Variants in PDE4B observed in about 807,000 individuals in gnomAD.
The protein encoded by PDE4B is phosphodiesterase 4B.
Under a neutral mutation model 82.2 loss-of-function variants are expected in PDE4B, and 20 were observed. The ratio of observed to expected loss-of-function variants is 0.24; its 90% CI spans 0.17 to 0.35. PDE4B has a LOEUF of 0.35. Among genes scored for constraint, PDE4B ranks in the 10% least tolerant of loss-of-function variants. The pLI, the probability that PDE4B is intolerant of heterozygous loss-of-function variation, is 1.00. For synonymous variants in PDE4B, 320 were observed against 318.9 expected, an observed-to-expected ratio of 1.00 and a Z score of -0.04; for missense variants, 655 against 907.2, an observed-to-expected ratio of 0.72 and a Z score of 3.57.
At chr1:66,087,004 A>AG (rs1273063082) in intron 3 of PDE4B, among the ~76,000 whole-genome samples, 1 of 152,160 alleles carries the variant, frequency 6.6e-6, no homozygotes, top group Non-Finnish European at 1.5e-5. Context: ...TGCATGTACA[A>AG]GGGCATGGAG....
chr1:66,352,909 A>G (rs530292588), intron 8 of PDE4B, among the ~76,000 whole-genome samples: 9 of 152,242 alleles, frequency 5.9e-5, no homozygotes, highest in Non-Finnish European at 1.3e-4. Context: ...ATATTTGCCT[A>G]AGTCTAGTGC....
chr1:66,162,856 A>G (rs1301729490), intron 3 of PDE4B, among the ~76,000 whole-genome samples: 1 of 152,150 alleles, frequency 6.6e-6, no homozygotes, highest in Non-Finnish European at 1.5e-5. Flanking sequence ...GTTAAGTACT[A>G]TCAGTTGTTA....
At chr1:66,110,742 C>T (rs542670594) in intron 3 of PDE4B, among the ~76,000 whole-genome samples, 58 of 151,994 alleles carry the variant, frequency 3.8e-4, no homozygotes, top group Non-Finnish European at 6.8e-4. Flanking sequence ...ATATATAATG[C>T]GATTAAACCA....
At chr1:66,362,785 T>C (rs868106861) in intron 10 of PDE4B, among the ~76,000 whole-genome samples, 2 of 152,108 alleles carry the variant, frequency 1.3e-5, no homozygotes, top group South Asian at 4.1e-4. Context: ...CCTGAGACTG[T>C]TTTCCAGCTG....
In PDE4B at chr1:65,845,536, G is replaced by A. The variant is rs184842965; in HGVS notation, c.-71+52288G>A. 4.1e-3 allele frequency among the ~76,000 whole-genome samples: 628 copies of A among 152,216 alleles called. 4 individuals carry two copies. The highest frequency in any genetic ancestry group is 0.014 in the African/African-American group (574 of 41,524). On this transcript the variant is annotated intron_variant, in intron 1 of 16. Transcript: ENST00000341517. ...AGATATGGTCTGGCTCTGAGATACC[G>A]TCAATGTTTTACTCTTTGAGATGAA...
At chr1:66,250,711 A>G (rs1318320178) in intron 4 of PDE4B, among the ~76,000 whole-genome samples, 1 of 152,230 alleles carries the variant, frequency 6.6e-6, no homozygotes, top group African/African-American at 2.4e-5. Flanking sequence ...ACTGAGGTAC[A>G]GATTGCCTCA....
At chr1:65,822,038 C>G (rs139333415) in intron 1 of PDE4B, among the ~76,000 whole-genome samples, 503 of 152,272 alleles carry the variant, frequency 3.3e-3, no homozygotes, top group African/African-American at 9.2e-3. Flanking sequence ...AGGGTAATTT[C>G]TACTCTCAAT....
chr1:65,906,651 TTCTCTC>T (rs1471417352), intron 1 of PDE4B, among the ~76,000 whole-genome samples: 3 of 152,254 alleles, frequency 2.0e-5, no homozygotes, highest in Admixed American at 6.5e-5. Context: ...GTTTGTCACT[TTCTCTC>T]TGTTGTGTTA....
At chr1:65,980,264 AT>A (rs919963621) in intron 3 of PDE4B, among the ~76,000 whole-genome samples, 2 of 152,132 alleles carry the variant, frequency 1.3e-5, no homozygotes, top group Non-Finnish European at 2.9e-5. Flanking sequence ...TCTGTCATAA[AT>A]TTTTCCCCAG....
Position 65,913,311 on chromosome 1 carries a change from T to TA in PDE4B, c.-3dup, listed in dbSNP as rs1647118300. 1 of 1,613,444 alleles carries TA rather than the reference T, an allele frequency of 6.2e-7. No individual in the cohort carries two copies. The highest frequency in any genetic ancestry group is 1.7e-5 in the Admixed American group (1 of 59,982). Reference sequence around the variant, plus strand: ...CCTAAGAGGGGATATTTTCCACCTCTATAATGAAGAAAAGCAGGAGTGTGA... The same window carrying TA: ...CCTAAGAGGGGATATTTTCCACCTCTAATAATGAAGAAAAGCAGGAGTGTGA... On this transcript the variant is annotated 5_prime_UTR_variant, in exon 2 of 17. Coordinates refer to ENST00000341517, the MANE Select transcript of PDE4B (RefSeq NM_002600.4).
rs1049527209 is a variant in PDE4B at position 66,049,916 on chromosome 1, C to T, written c.281+131081C>T. Among the ~76,000 whole-genome samples, 5 of 152,068 alleles carry T rather than the reference C, an allele frequency of 3.3e-5. No homozygotes were observed. The South Asian group carries it at 1.0e-3, about 32-fold the overall frequency. On this transcript the variant is annotated intron_variant, in intron 3 of 16. Coordinates refer to ENST00000341517, the MANE Select transcript of PDE4B (RefSeq NM_002600.4). ...AGATGAAAAAAATGTATTTACGTTTCCCACACAACTGCTAGGAATTAAAGT... is the reference window on the plus strand; with the variant it reads ...AGATGAAAAAAATGTATTTACGTTTTCCACACAACTGCTAGGAATTAAAGT...
At chr1:65,814,864 T>C (rs1645862369) in intron 1 of PDE4B, among the ~76,000 whole-genome samples, 1 of 152,046 alleles carries the variant, frequency 6.6e-6, no homozygotes, top group South Asian at 2.1e-4. Flanking sequence ...TTTTTTTGTA[T>C]AAGTTTTTGC....
At chr1:65,978,113 C>T (rs1016077024) in intron 3 of PDE4B, among the ~76,000 whole-genome samples, 3 of 150,092 alleles carry the variant, frequency 2.0e-5, no homozygotes, top group Admixed American at 6.6e-5. Context: ...CTGCAACGTC[C>T]GCCTCCCAGG....
intron 3 of PDE4B, among the ~76,000 whole-genome samples, chr1:66,092,227 G>T (rs774174473): frequency 6.6e-6 from 1 of 151,952 alleles, no homozygotes; most frequent in Non-Finnish European, 1.5e-5. Context: ...GTCCTCACTT[G>T]TTGTTGATAG....
At chr1:65,859,672 C>G (rs144765674) in intron 1 of PDE4B, among the ~76,000 whole-genome samples, 322 of 152,152 alleles carry the variant, frequency 2.1e-3, no homozygotes, top group African/African-American at 6.7e-3. Context: ...ATGCTCAAAA[C>G]AACAATGATT....
rs1190631724 is a variant in PDE4B, at chr1:66,047,182, A to G, written c.281+128347A>G. ...TTCTTCCTTTGAGAGACAGCCCAGC[A>G]TAGGGATTAATGCAGGAACCATGGA... is the stretch of plus-strand genomic sequence containing the variant. On this transcript the variant is annotated intron_variant, in intron 3 of 16. Coordinates refer to ENST00000341517, the MANE Select transcript of PDE4B (RefSeq NM_002600.4). 1.7e-4 allele frequency among the ~76,000 whole-genome samples: 26 copies of G among 151,794 alleles called. 1 individual carries two copies. In the Admixed American group the frequency reaches 1.7e-3, roughly 10 times the overall value.
chr1:65,905,666 T>C (rs958269641), intron 1 of PDE4B, among the ~76,000 whole-genome samples: 2 of 152,106 alleles, frequency 1.3e-5, no homozygotes, highest in East Asian at 3.9e-4. Context: ...GCTTCTCTCT[T>C]TGTTTCTTAG....
chr1:65,929,969 C>G (rs963539846), intron 3 of PDE4B, among the ~76,000 whole-genome samples: 1 of 152,126 alleles, frequency 6.6e-6, no homozygotes, highest in Non-Finnish European at 1.5e-5. Context: ...TAGAACCATT[C>G]TTGGTACCAA....
At chr1:65,960,403 T>C (rs1649487052) in intron 3 of PDE4B, among the ~76,000 whole-genome samples, 1 of 152,120 alleles carries the variant, frequency 6.6e-6, no homozygotes, top group Non-Finnish European at 1.5e-5. Context: ...CAAGAAGAGA[T>C]TGCTGAAATA....
Sources: allele counts gnomAD v4.1 joint callset (sites outside exome capture counted in the v4.1 genomes callset), GRCh38; gene constraint gnomAD v4.1.1; transcripts MANE v1.5; gene names NCBI Gene and HGNC (gene_info 2026-07-23, HGNC 2026-07-21).